COPG2: variants seen among roughly 807,000 people sequenced by gnomAD.
COPG2 encodes the protein coat protein complex I subunit gamma 2, also known as coatomer subunit gamma-2.
In COPG2, 37 loss-of-function variants were observed where a neutral mutation model predicts 46.3. That is an observed-to-expected ratio of 0.80 (90% CI 0.61 to 1.05). The LOEUF (loss-of-function observed/expected upper bound fraction) is 1.05, where lower values mean the gene tolerates loss of function less well. Among genes scored for constraint, COPG2 ranks in the 50% least tolerant of loss-of-function variants. The pLI, the probability that COPG2 is intolerant of heterozygous loss-of-function variation, is 0.00. For missense variants in COPG2, 427 were observed against 387.8 expected, an observed-to-expected ratio of 1.10 and a Z score of -0.85; for synonymous variants, 159 against 129.7, an observed-to-expected ratio of 1.23 and a Z score of -1.53.
chr7:130,533,183 T>G (rs1244211898), intron 20 of COPG2, among the ~76,000 whole-genome samples: 1 of 151,916 alleles, frequency 6.6e-6, no homozygotes, highest in African/African-American at 2.4e-5. Context: ...AAGGGAGAAT[T>G]TGCATCAAAA....
chr7:130,568,897 C>T (rs1202677513), intron 9 of COPG2, among the ~76,000 whole-genome samples: 4 of 152,166 alleles, frequency 2.6e-5, no homozygotes, highest in African/African-American at 9.7e-5. Flanking sequence ...TGGAAATCAA[C>T]TCCAAAAGGA....
intron 7 of COPG2, among the ~76,000 whole-genome samples, chr7:130,612,872 T>C (rs1369074445): frequency 2.0e-5 from 3 of 152,104 alleles, no homozygotes; most frequent in Non-Finnish European, 2.9e-5. Flanking sequence ...AAGAGACAAG[T>C]AGTAGAAGTC....
intron 9 of COPG2, among the ~76,000 whole-genome samples, chr7:130,576,209 G>A (rs1256259880): frequency 6.6e-6 from 1 of 152,054 alleles, no homozygotes; most frequent in Non-Finnish European, 1.5e-5. Context: ...CTATACCTTC[G>A]AACAAATGGA....
chr7:130,623,707 C>T (rs936545154), intron 5 of COPG2, among the ~76,000 whole-genome samples: 8 of 152,180 alleles, frequency 5.3e-5, no homozygotes, highest in Non-Finnish European at 1.5e-5. Context: ...GGCAATAACT[C>T]TGGGCATGGT....
chr7:130,646,657 G>T (rs1286373087), intron 5 of COPG2, among the ~76,000 whole-genome samples: 2 of 151,996 alleles, frequency 1.3e-5, no homozygotes, highest in Non-Finnish European at 2.9e-5. Context: ...CCCACGTGTT[G>T]AGGGAGGTAG....
At chr7:130,535,385 G>A (rs1799868526) in intron 20 of COPG2, among the ~76,000 whole-genome samples, 1 of 151,958 alleles carries the variant, frequency 6.6e-6, no homozygotes, top group Admixed American at 6.6e-5. Context: ...TGGTGGAAGG[G>A]AGCTGGGCAG....
chr7:130,607,213 G>C (rs1428842221), intron 9 of COPG2, among the ~76,000 whole-genome samples: 1 of 151,204 alleles, frequency 6.6e-6, no homozygotes, highest in Non-Finnish European at 1.5e-5. Context: ...TGCAGTCCAG[G>C]CTTCACAACA....
chr7:130,531,906 T>G (rs1267323170), intron 20 of COPG2, among the ~76,000 whole-genome samples: 3 of 152,088 alleles, frequency 2.0e-5, no homozygotes, highest in Non-Finnish European at 4.4e-5. Context: ...TCCAATCATC[T>G]GAGGGGTAAG....
intron 11 of COPG2, among the ~76,000 whole-genome samples, chr7:130,561,976 C>A (rs1015314143): frequency 3.0e-4 from 45 of 152,284 alleles, no homozygotes; most frequent in Admixed American, 6.5e-4. Context: ...CACCATATAA[C>A]CTTTCTAAAA....
At chr7:130,525,721 G>C (rs1281240870) in intron 20 of COPG2, among the ~76,000 whole-genome samples, 2 of 152,210 alleles carry the variant, frequency 1.3e-5, no homozygotes, top group East Asian at 3.9e-4. Context: ...TCTCGTAGTT[G>C]TAATGGGAGT....
chr7:130,638,447 C>A (rs908887095), intron 5 of COPG2, among the ~76,000 whole-genome samples: 1 of 152,158 alleles, frequency 6.6e-6, no homozygotes, highest in South Asian at 2.1e-4. Flanking sequence ...TCTAGAGAGG[C>A]GGTCTGGCTA....
chr7:130,551,916 GTTTT>G (rs1450747507), intron 15 of COPG2, among the ~76,000 whole-genome samples: 14 of 152,156 alleles, frequency 9.2e-5, no homozygotes, highest in Non-Finnish European at 1.3e-4. Context: ...TTACCTAACA[GTTTT>G]TTTAAGTAAG....
At chr7:130,608,192 T>G (rs370286744) in intron 9 of COPG2, 10 of 459,074 alleles carry the variant, frequency 2.2e-5, no homozygotes, top group African/African-American at 2.0e-4. Flanking sequence ...CAGTGTATCA[T>G]CAAATAATAT....
intron 20 of COPG2, chr7:130,511,413 C>T (rs571624095): frequency 1.9e-5 from 10 of 520,012 alleles, no homozygotes; most frequent in South Asian, 1.4e-4. Flanking sequence ...TCGAGGAAAG[C>T]TGGGCAGTGA....
intron 9 of COPG2, among the ~76,000 whole-genome samples, chr7:130,566,797 A>G (rs973563186): frequency 6.6e-6 from 1 of 152,202 alleles, no homozygotes; most frequent in African/African-American, 2.4e-5. Context: ...AGAATGTGAT[A>G]AGAAAGTCAG....
At chr7:130,608,176 T>G in intron 9 of COPG2, 1 of 440,560 alleles carries the variant, frequency 2.3e-6, no homozygotes, top group Non-Finnish European at 4.5e-6. Flanking sequence ...ATATTCATCC[T>G]TATCACAGTG....
chr7:130,630,612 CT>C (rs1795210130), intron 5 of COPG2, among the ~76,000 whole-genome samples: 1 of 152,030 alleles, frequency 6.6e-6, no homozygotes, highest in Non-Finnish European at 1.5e-5. Flanking sequence ...TTGATTTCTC[CT>C]TTCAATTCTA....
At chr7:130,566,807 G>A (rs1793810770) in intron 9 of COPG2, among the ~76,000 whole-genome samples, 1 of 152,210 alleles carries the variant, frequency 6.6e-6, no homozygotes, top group Non-Finnish European at 1.5e-5. Context: ...AAGAAAGTCA[G>A]GCAGTCGGGC....
chr7:130,611,066 T>A lies in COPG2; in HGVS notation c.624A>T (p.Arg208=). Residue 208 remains arginine (R), a synonymous_variant, in exon 9 of 24, where the codon CGA becomes CGT. Coordinates refer to ENST00000425248, the MANE Select transcript of COPG2 (RefSeq NM_012133.6). ...GVLYHLRKND[R]LAVSKMLNKF... Reference sequence around the variant, plus strand: ...TATTCAACATCTTGGAAACAGCAAGTCGATCATTCTTTCTAAGGTGATACA... The same window carrying A: ...TATTCAACATCTTGGAAACAGCAAGACGATCATTCTTTCTAAGGTGATACA... 1 of 1,613,826 alleles carries A rather than the reference T, an allele frequency of 6.2e-7. No individual in the cohort carries two copies. The highest frequency in any genetic ancestry group is 1.1e-5 in the South Asian group (1 of 91,086).
Sources: allele counts gnomAD v4.1 joint callset (sites outside exome capture counted in the v4.1 genomes callset), GRCh38; gene constraint gnomAD v4.1.1; transcripts MANE v1.5; gene names NCBI Gene and HGNC (gene_info 2026-07-23, HGNC 2026-07-21).